Variants in CRBN observed in about 807,000 individuals in gnomAD.
CRBN encodes the protein protein cereblon.
A neutral mutation model predicts 62.2 loss-of-function variants in CRBN; 53 were observed. The observed-to-expected ratio is 0.85, with a 90% CI of 0.68 to 1.07. The LOEUF (loss-of-function observed/expected upper bound fraction) is 1.07, where lower values mean the gene tolerates loss of function less well. Among genes scored for constraint, CRBN ranks in the 50% least tolerant of loss-of-function variants. The pLI is 0.00. For synonymous variants in CRBN, 208 were observed against 176.1 expected (o/e 1.18, Z -1.43); for missense variants, 616 against 531.1 (o/e 1.16, Z -1.57).
At chr3:3,162,615 T>C (rs912055235) in intron 5 of CRBN, among the ~76,000 whole-genome samples, 1 of 152,200 alleles carries the variant, frequency 6.6e-6, no homozygotes, top group African/African-American at 2.4e-5. Flanking sequence ...TCATTTGAGT[T>C]GTTTAGGTTT....
Position 3,154,045 on chromosome 3 carries a change from G to C in CRBN, c.866C>G (p.Pro289Arg). 1 of 1,613,260 alleles carries C rather than the reference G, an allele frequency of 6.2e-7. No individual in the cohort carries two copies. Among genetic ancestry groups the C allele is most frequent in the Non-Finnish European group, 8.5e-7 (1 of 1,179,246 alleles). The change falls in exon 8 of 11, where the codon CCT becomes CGT. Residue 289 changes from proline (P) to arginine (R), a missense_variant. Coordinates refer to ENST00000231948, the MANE Select transcript of CRBN (RefSeq NM_016302.4). Reference sequence around the variant, plus strand: ...CTGAATTCTCAATACATCATCAATAGGAAGACAAGCAGCTACTCTGTAAGA... The same window carrying C: ...CTGAATTCTCAATACATCATCAATACGAAGACAAGCAGCTACTCTGTAAGA... ...DFSYRVAACL[P>R]IDDVLRIQLL... is the part of the protein sequence containing the mutation.
chr3:3,175,744 T>G (rs548679125), intron 1 of CRBN, among the ~76,000 whole-genome samples: 2 of 152,240 alleles, frequency 1.3e-5, no homozygotes, highest in South Asian at 4.1e-4. Flanking sequence ...TTTCAGACTT[T>G]GCTTGTTTCT....
intron 5 of CRBN, among the ~76,000 whole-genome samples, chr3:3,158,267 C>G (rs1171867310): frequency 2.6e-5 from 4 of 152,324 alleles, no homozygotes; most frequent in Middle Eastern, 6.8e-3. Flanking sequence ...TATGCTGCCA[C>G]TGATCTGATA....
At chr3:3,152,046 C>T (rs1161361711) in intron 10 of CRBN, among the ~76,000 whole-genome samples, 2 of 152,050 alleles carry the variant, frequency 1.3e-5, no homozygotes, top group Non-Finnish European at 2.9e-5. Context: ...AATCTGAGGA[C>T]AACTGCAGTT....
At chr3:3,166,161 CCA>C (rs1707319686) in intron 5 of CRBN, among the ~76,000 whole-genome samples, 1 of 139,998 alleles carries the variant, frequency 7.1e-6, no homozygotes, top group South Asian at 2.6e-4. Context: ...CCCACAATTC[CCA>C]CATGTCATGG....
chr3:3,150,936 A>G lies in CRBN; in HGVS notation c.1258T>C (p.Ser420Pro). Residue 420 changes from serine (S) to proline (P), a missense_variant, in exon 11 of 11, where the codon TCT becomes CCT. Coordinates refer to ENST00000231948, the MANE Select transcript of CRBN (RefSeq NM_016302.4). Reference sequence around the variant, plus strand: ...TCTGGGATCGTGGGCAACAGAGCAGATCGCGTTAAGCCCCAAAATTTTTGA... The same window carrying G: ...TCTGGGATCGTGGGCAACAGAGCAGGTCGCGTTAAGCCCCAAAATTTTTGA... Reference protein sequence around the residue: ...SPQKFWGLTRSALLPTIPDTE... With the variant: ...SPQKFWGLTRPALLPTIPDTE... 4 of 1,614,004 alleles carry G rather than the reference A, an allele frequency of 2.5e-6. No homozygotes were observed. Among genetic ancestry groups the G allele is most frequent in the Non-Finnish European group, 2.5e-6 (3 of 1,179,972 alleles).
Position 3,154,746 on chromosome 3 carries a change from C to G in CRBN, c.835+1G>C, listed in dbSNP as rs1226252969. ...CCAGGCAGGAAACTAACTTTTCATA[C>G]CTATTGGATTTGAAGGAAGAGAATC... On this transcript the variant is annotated splice_donor_variant, in intron 7 of 10. Coordinates refer to ENST00000231948, the MANE Select transcript of CRBN (RefSeq NM_016302.4). LOFTEE classifies it high-confidence loss of function. The G allele has an allele frequency of 1.3e-6, 2 of 1,559,240 alleles. No individual in the cohort carries two copies. The highest frequency in any genetic ancestry group is 1.8e-6 in the Non-Finnish European group (2 of 1,130,430).
chr3:3,157,035 T>C (rs750553256), intron 5 of CRBN, among the ~76,000 whole-genome samples: 1 of 152,204 alleles, frequency 6.6e-6, no homozygotes, highest in Non-Finnish European at 1.5e-5. Context: ...AAATTACATA[T>C]TCAGTGCAAT....
At chr3:3,162,041 G>C (rs1175578804) in intron 5 of CRBN, among the ~76,000 whole-genome samples, 1 of 152,188 alleles carries the variant, frequency 6.6e-6, no homozygotes, top group East Asian at 1.9e-4. Flanking sequence ...TTACGTATGA[G>C]ACCCCTGCCC....
intron 1 of CRBN, among the ~76,000 whole-genome samples, 153 bp from the exon 2 acceptor site, chr3:3,175,422 G>A (rs934721613): frequency 2.7e-5 from 4 of 149,464 alleles, no homozygotes; most frequent in African/African-American, 7.3e-5. Context: ...ACTGGGGTCC[G>A]TGCTGGGCTC....
At chr3:3,168,580 G>C (rs1575095573) in intron 4 of CRBN, among the ~76,000 whole-genome samples, 1 of 152,124 alleles carries the variant, frequency 6.6e-6, no homozygotes, top group African/African-American at 2.4e-5. Context: ...TCAAATGCTA[G>C]TATATAACAC....
intron 5 of CRBN, among the ~76,000 whole-genome samples, chr3:3,158,220 C>T (rs1257761356): frequency 4.6e-5 from 7 of 152,192 alleles, no homozygotes; most frequent in African/African-American, 1.2e-4. Flanking sequence ...CCCTCCCATG[C>T]GCAGTTCACA....
Position 3,152,384 on chromosome 3 carries a change from T to C in CRBN, c.1148+72A>G. The stretch of plus-strand genomic sequence containing the variant: ...TTATAAAGATTGTGGCAACTCTGCT[T>C]AGGACTCTGGATTTTTCTGCCCAAT... On this transcript the variant is annotated intron_variant, in intron 10 of 10. Coordinates refer to ENST00000231948, the MANE Select transcript of CRBN (RefSeq NM_016302.4). The C allele has an allele frequency of 2.7e-6, 4 of 1,476,202 alleles. No individual in the cohort carries two copies. The South Asian group carries it at 3.6e-5, about 13-fold the overall frequency. 91.4% of individuals were successfully genotyped at this position (1,476,202 alleles called of 1,614,324 possible).
chr3:3,165,266 A>C (rs1378406736), intron 5 of CRBN, among the ~76,000 whole-genome samples: 1 of 152,256 alleles, frequency 6.6e-6, no homozygotes, highest in African/African-American at 2.4e-5. Flanking sequence ...AGAATTCAGA[A>C]TATTACATAA....
intron 1 of CRBN, among the ~76,000 whole-genome samples, chr3:3,178,833 T>G (rs1007218255): frequency 6.6e-6 from 1 of 152,096 alleles, no homozygotes. Context: ...ATACACCTTT[T>G]GGAAAGCATC....
Position 3,153,494 on chromosome 3 carries a change from A to AGAT in CRBN, c.952-9_952-7dup. The AGAT allele has an allele frequency of 6.5e-7, 1 of 1,532,794 alleles. No homozygotes were observed. Among genetic ancestry groups the AGAT allele is most frequent in the Non-Finnish European group, 9.0e-7 (1 of 1,106,264 alleles). 94.9% of individuals were successfully genotyped at this position (1,532,794 alleles called of 1,614,324 possible). Reference sequence around the variant, plus strand: ...TTACAGCAAAGGGAAGTACACTAAAAGATTTGAGAGAAAAATTATTGGTAG... The same window carrying AGAT: ...TTACAGCAAAGGGAAGTACACTAAAAGATGATTTGAGAGAAAAATTATTGGTAG... On this transcript the variant is annotated splice_region_variant and splice_polypyrimidine_tract_variant and intron_variant, in intron 8 of 10. Transcript: ENST00000231948.
intron 5 of CRBN, among the ~76,000 whole-genome samples, chr3:3,164,316 C>T (rs1318692342): frequency 6.6e-6 from 1 of 152,208 alleles, no homozygotes; most frequent in African/African-American, 2.4e-5. Context: ...CTGGGGCAAA[C>T]AGCAAAGCTG....
At chr3:3,172,699 G>T in intron 4 of CRBN, 77 bp downstream of exon 4, 1 of 1,448,082 alleles carries the variant, frequency 6.9e-7, no homozygotes, top group Non-Finnish European at 9.7e-7. Context: ...TGAAGGCTCA[G>T]TAGAACAGAA....
intron 3 of CRBN, among the ~76,000 whole-genome samples, chr3:3,173,340 G>A (rs1424749760): frequency 6.6e-6 from 1 of 152,176 alleles, no homozygotes; most frequent in Non-Finnish European, 1.5e-5. Context: ...GTATAGGCGT[G>A]AGCTACCATG....
Sources: gnomAD v4.1 joint callset for allele counts (sites outside exome capture counted in the v4.1 genomes callset) on GRCh38, gnomAD v4.1.1 for gene constraint, MANE v1.5 for transcripts, NCBI Gene and HGNC (gene_info 2026-07-23, HGNC 2026-07-21) for gene names.